Variants in MED16 observed in about 807,000 individuals in gnomAD.
MED16 encodes the protein mediator complex subunit 16.
A neutral mutation model predicts 84.4 loss-of-function variants in MED16; 81 were observed. The observed-to-expected ratio is 0.96, with a 90% CI of 0.80 to 1.15. The LOEUF (loss-of-function observed/expected upper bound fraction) is 1.15, where lower values mean the gene tolerates loss of function less well. Ranked by LOEUF, MED16 falls within the 50% of genes most tolerant of loss-of-function variation. The probability of loss-of-function intolerance (pLI) is 0.00; values close to 1 mark genes in which losing one functional copy is unlikely to be tolerated. For missense variants in MED16, 1,585 were observed against 1,245.9 expected (o/e 1.27, Z -4.10); for synonymous variants, 897 against 552.2 (o/e 1.62, Z -8.76).
At position 868,420 on chromosome 19, in the gene MED16, AG is replaced by A. The variant is rs1349837674; in HGVS notation, c.2478del (p.Cys827AlafsTer13). On this transcript the variant is annotated frameshift_variant, in exon 15 of 16. Coordinates refer to ENST00000325464, the MANE Select transcript of MED16 (RefSeq NM_005481.3). LOFTEE classifies it low-confidence loss of function (END_TRUNC). ...CGCCACCAGAGCCCACCGCACAGGCAGTTCTTGATCCAGCGCTGCTCCCACT... is the reference window on the plus strand; with the variant it reads ...CGCCACCAGAGCCCACCGCACAGGCATTCTTGATCCAGCGCTGCTCCCACT... Reference protein sequence around the residue: ...VKQWEQRWIKNCLAVEGRGPD... With the variant: ...VKQWEQRWIKXCLAVEGRGPD... The A allele has an allele frequency of 6.2e-7, 1 of 1,610,298 alleles. No homozygotes were observed. Among genetic ancestry groups the A allele is most frequent in the Admixed American group, 1.7e-5 (1 of 59,990 alleles).
intron 6 of MED16, among the ~76,000 whole-genome samples, chr19:882,608 G>C (rs1254249089): frequency 6.6e-6 from 1 of 152,246 alleles, no homozygotes; most frequent in Non-Finnish European, 1.5e-5. Context: ...AGGGCAGCTG[G>C]AGCCGGCCTG....
rs751604368 is a variant in MED16 at position 877,174 on chromosome 19, C to A, written c.1360G>T (p.Val454Leu). The A allele has an allele frequency of 3.1e-6, 5 of 1,607,912 alleles. No individual in the cohort carries two copies. Among genetic ancestry groups the A allele is most frequent in the Non-Finnish European group, 4.2e-6 (5 of 1,178,432 alleles). The change falls in exon 9 of 16, where the codon GTG becomes TTG. Residue 454 changes from valine (V) to leucine (L), a missense_variant. Transcript: ENST00000325464. ...CCCATGGAAGGTGAGAGGCGGAGCA[C>A]GCTCAGCTGCCAGAGACAGAGCCCA... ...VGIDSHGKLS[V>L]LRLSPSMGHP...
Position 873,713 on chromosome 19 carries a change from A to C in MED16, c.1772-131T>G, listed in dbSNP as rs893406330. Reference sequence around the variant, plus strand: ...AGGACACAAGGGGACCCACACCGGGAACGAGAAGGGGGCGATGGCGTTGCC... The same window carrying C: ...AGGACACAAGGGGACCCACACCGGGCACGAGAAGGGGGCGATGGCGTTGCC... On this transcript the variant is annotated intron_variant, in intron 10 of 15. Coordinates refer to ENST00000325464, the MANE Select transcript of MED16 (RefSeq NM_005481.3). 17 of 1,089,792 alleles carry C rather than the reference A, an allele frequency of 1.6e-5. No homozygotes were observed. In the Admixed American group the frequency reaches 1.7e-4, roughly 11 times the overall value. 67.5% of individuals were successfully genotyped at this position (1,089,792 alleles called of 1,614,324 possible). A position where few individuals can be genotyped will look rare whatever the true frequency, so the allele number is the denominator to read the frequency against.
chr19:891,549 G>A (rs1325333014), intron 1 of MED16, among the ~76,000 whole-genome samples: 1 of 152,238 alleles, frequency 6.6e-6, no homozygotes, highest in African/African-American at 2.4e-5. Context: ...AGAGCCCGCA[G>A]ACAGGCAAGC....
At chr19:888,139 G>A (rs1025579161) in intron 4 of MED16, among the ~76,000 whole-genome samples, 3 of 151,392 alleles carry the variant, frequency 2.0e-5, no homozygotes, top group Admixed American at 6.6e-5. Context: ...GGGAGGGAGA[G>A]GCTGCAGTGA....
Position 871,120 on chromosome 19 carries a change from G to A in MED16, c.2232C>T (p.Pro744=), listed in dbSNP as rs1172558011. 1.6e-5 allele frequency: 25 copies of A among 1,548,672 alleles called. No individual in the cohort carries two copies. Among genetic ancestry groups the A allele is most frequent in the Middle Eastern group, 3.4e-4 (2 of 5,900 alleles). The change falls in exon 13 of 16, where the codon CCC becomes CCT. Residue 744 remains proline (P), a synonymous_variant. Transcript: ENST00000325464. The part of the protein sequence containing the change: ...ASDGLVSRLQ[P]KQPLRLQFGR... The stretch of plus-strand genomic sequence containing the variant: ...CAAACTGCAGACGAAGGGGCTGCTT[G>A]GGCTGCAGGCGGCTAACCAGGCCGT...
Position 880,027 on chromosome 19 carries a change from G to T in MED16, c.1263C>A (p.Arg421=). 4 of 1,610,780 alleles carry T rather than the reference G, an allele frequency of 2.5e-6. No individual in the cohort carries two copies. The highest frequency in any genetic ancestry group is 3.4e-6 in the Non-Finnish European group (4 of 1,179,102). The change falls in exon 8 of 16, where the codon CGC becomes CGA. Residue 421 remains arginine, a synonymous_variant. Coordinates refer to ENST00000325464, the MANE Select transcript of MED16 (RefSeq NM_005481.3). ...GGACGGCGGGGCCCGCGGTGCGGGGGCGCTTCATGGCCGGCTCATCCACAG... is the reference window on the plus strand; with the variant it reads ...GGACGGCGGGGCCCGCGGTGCGGGGTCGCTTCATGGCCGGCTCATCCACAG... ...PRPVDEPAMK[R]PRTAGPAVHL... is the part of the protein sequence containing the mutation.
intron 15 of MED16, 22 bp from the exon 16 acceptor site, chr19:868,273 A>G: frequency 6.3e-7 from 1 of 1,589,848 alleles, no homozygotes; most frequent in South Asian, 1.1e-5. Flanking sequence ...GCTGAGGTTA[A>G]CCGCGCCGAG....
rs745911517 is a variant in MED16, at chr19:871,265, G to A, written c.2099-12C>T. 4 of 1,527,512 alleles carry A rather than the reference G, an allele frequency of 2.6e-6. No homozygotes were observed. The highest frequency in any genetic ancestry group is 1.4e-5 in the African/African-American group (1 of 72,728). The allele number at this position is 1,527,512 out of a possible 1,614,324, so 94.6% of individuals were successfully genotyped here. ...GCCCTCATCGCGACCTGCGGAGAGAGGTGGCGGAAGTCTCAGCACCCCTGA... is the reference window on the plus strand; with the variant it reads ...GCCCTCATCGCGACCTGCGGAGAGAAGTGGCGGAAGTCTCAGCACCCCTGA... On this transcript the variant is annotated splice_polypyrimidine_tract_variant and intron_variant, in intron 12 of 15. Coordinates refer to ENST00000325464, the MANE Select transcript of MED16 (RefSeq NM_005481.3).
chr19:886,833 T>TG (rs919131753), intron 4 of MED16, among the ~76,000 whole-genome samples: 5 of 152,098 alleles, frequency 3.3e-5, no homozygotes, highest in African/African-American at 9.7e-5. Flanking sequence ...CCCAGCACTT[T>TG]GGGGGGCTGA....
rs746409943 is a variant in MED16 at position 884,915 on chromosome 19, T to G, written c.973A>C (p.Ile325Leu). 6.2e-7 allele frequency: 1 copy of G among 1,608,066 alleles called. No homozygotes were observed. The highest frequency in any genetic ancestry group is 8.5e-7 in the Non-Finnish European group (1 of 1,178,792). ...GCGGGAGACTCACCCACGGGGGAGA[T>G]CTGCTGGAAGATGTTGTTCACGGGG... The part of the protein sequence containing the change: ...GLPVNNIFQQ[I>L]SPVVGDKQPT... The change falls in exon 6 of 16, where the codon ATC (isoleucine) becomes CTC (leucine). Residue 325 changes from isoleucine to leucine, a missense_variant. Ile to Leu is a conservative substitution (Grantham distance 5). Transcript: ENST00000325464.
chr19:870,909 A>G (rs1599314972), intron 13 of MED16, 128 bp downstream of exon 13: 2 of 746,124 alleles, frequency 2.7e-6, no homozygotes, highest in South Asian at 1.9e-5. Context: ...GGAGGCGGGG[A>G]GCCGTGTGGA....
intron 13 of MED16, among the ~76,000 whole-genome samples, chr19:869,515 C>T (rs967724317): frequency 9.2e-5 from 14 of 152,188 alleles, no homozygotes; most frequent in Admixed American, 2.0e-4. Flanking sequence ...ACGTAACCGT[C>T]CTCTCTTTCC....
intron 12 of MED16, 140 bp downstream of exon 12, chr19:871,784 GGA>G (rs1341143928): frequency 2.5e-5 from 10 of 406,926 alleles, no homozygotes; most frequent in African/African-American, 1.3e-4. Flanking sequence ...AGGGGAGAGG[GGA>G]GAGCGGGGAG....
chr19:877,514 T>A (rs538591965), intron 8 of MED16, among the ~76,000 whole-genome samples: 1 of 132,808 alleles, frequency 7.5e-6, no homozygotes, highest in Non-Finnish European at 1.6e-5. Context: ...ATACGTGCTG[T>A]GAGCCACCCC....
Position 872,823 on chromosome 19 carries a change from G to C in MED16, c.1905+626C>G, listed in dbSNP as rs1429462365. 7 of 368,120 alleles carry C rather than the reference G, an allele frequency of 1.9e-5. 1 individual carries two copies. The highest frequency in any genetic ancestry group is 8.9e-5 in the African/African-American group (4 of 45,026). 22.8% of individuals were successfully genotyped at this position (368,120 alleles called of 1,614,324 possible). ...GCAGAAGCAAGGCGAACCGGCCTTC[G>C]TGTAGGGGTGGGGCTGAGAAGGAGC... is the stretch of plus-strand genomic sequence containing the variant. On this transcript the variant is annotated intron_variant, in intron 11 of 15. Transcript: ENST00000325464.
At chr19:872,822 C>A in intron 11 of MED16, 1 of 352,008 alleles carries the variant, frequency 2.8e-6, no homozygotes, top group Non-Finnish European at 4.1e-6. Flanking sequence ...AACCGGCCTT[C>A]GTGTAGGGGT....
Position 886,208 on chromosome 19 carries a change from A to AGAAGGGAG in MED16, c.448-15_448-8dup. The AGAAGGGAG allele has an allele frequency of 6.7e-7, 1 of 1,500,574 alleles. No individual in the cohort carries two copies. 93.0% of individuals were successfully genotyped at this position (1,500,574 alleles called of 1,614,324 possible). A position where few individuals can be genotyped will look rare whatever the true frequency, so the allele number is the denominator to read the frequency against. ...CGAAGCTGGAGGCGCCCGACTGTGG[A>AGAAGGGAG]GAAGGGAGGGAGGGAGGAGGGGCCG... On this transcript the variant is annotated splice_region_variant and splice_polypyrimidine_tract_variant and intron_variant, in intron 4 of 15. Coordinates refer to ENST00000325464, the MANE Select transcript of MED16 (RefSeq NM_005481.3).
At position 889,728 on chromosome 19, in the gene MED16, C is replaced by A. The variant is rs755460610; in HGVS notation, c.357G>T (p.Glu119Asp). Residue 119 changes from glutamate (E) to aspartate (D), a missense_variant, in exon 4 of 16, where the codon GAG becomes GAT. Coordinates refer to ENST00000325464, the MANE Select transcript of MED16 (RefSeq NM_005481.3). ...SMADHLANSW[E>D]SSVGSLVEGD... ...CCTCCACTAGGCTGCCCACTGAGCT[C>A]TCCCAGCTATTAGCCAGGTGGTCCG... 2 of 1,613,752 alleles carry A rather than the reference C, an allele frequency of 1.2e-6. No individual in the cohort carries two copies. The highest frequency in any genetic ancestry group is 1.7e-5 in the Admixed American group (1 of 60,004).
Sources: allele counts gnomAD v4.1 joint callset (sites outside exome capture counted in the v4.1 genomes callset), GRCh38; gene constraint gnomAD v4.1.1; transcripts MANE v1.5; gene names NCBI Gene and HGNC (gene_info 2026-07-23, HGNC 2026-07-21).